SLC27A1: variants seen among roughly 807,000 people sequenced by gnomAD.
The protein encoded by SLC27A1 is long-chain fatty acid transport protein 1.
Under a neutral mutation model 62.2 loss-of-function variants are expected in SLC27A1, and 61 were observed. The observed-to-expected ratio is 0.98, with a 90% confidence interval of 0.80 to 1.21. The LOEUF is 1.21. Among genes scored for constraint, SLC27A1 ranks in the 50% most tolerant of loss-of-function variants. SLC27A1 has a pLI of 0.00. For synonymous variants in SLC27A1, 435 were observed against 408.6 expected, an observed-to-expected ratio of 1.06 and a Z score of -0.78; for missense variants, 903 against 932.1, an observed-to-expected ratio of 0.97 and a Z score of 0.41.
intron 10 of SLC27A1, 77 bp from the exon 11 acceptor site, chr19:17,501,196 C>T (rs972333146): frequency 3.2e-6 from 5 of 1,561,810 alleles, no homozygotes; most frequent in Middle Eastern, 4.6e-4. Flanking sequence ...CCAGGGGCTA[C>T]TGCTTGACAG....
At chr19:17,477,004 T>G (rs1464249736) in intron 1 of SLC27A1, among the ~76,000 whole-genome samples, 1 of 148,614 alleles carries the variant, frequency 6.7e-6, no homozygotes, top group Admixed American at 6.9e-5. Context: ...TTCTTATGGC[T>G]CAGCCTCCCA....
At chr19:17,504,254 G>C (rs998986539) in intron 11 of SLC27A1, among the ~76,000 whole-genome samples, 2 of 152,160 alleles carry the variant, frequency 1.3e-5, no homozygotes, top group Non-Finnish European at 2.9e-5. Context: ...GTGAGGAGTG[G>C]TTAGGGAGGC....
chr19:17,476,883 GTTTT>G (rs71162144), intron 1 of SLC27A1, among the ~76,000 whole-genome samples: 3 of 131,816 alleles, frequency 2.3e-5, no homozygotes, highest in Non-Finnish European at 3.2e-5. Context: ...ATGATCATCT[GTTTT>G]TTTTTTTTTT....
chr19:17,476,537 CAAAA>C (rs11332045), intron 1 of SLC27A1, among the ~76,000 whole-genome samples: 10 of 96,030 alleles, frequency 1.0e-4, no homozygotes, highest in Admixed American at 1.1e-4. Flanking sequence ...GACTCTGTCT[CAAAA>C]AAAAAAAAAA....
At chr19:17,478,354 C>T (rs2075144136) in intron 1 of SLC27A1, among the ~76,000 whole-genome samples, 1 of 150,248 alleles carries the variant, frequency 6.7e-6, no homozygotes, top group African/African-American at 2.5e-5. Context: ...GTGGTCCCAG[C>T]TACTCAGGAG....
chr19:17,475,406 C>T (rs1434177457), intron 1 of SLC27A1, among the ~76,000 whole-genome samples: 1 of 152,044 alleles, frequency 6.6e-6, no homozygotes. Flanking sequence ...GGGAGTGGGG[C>T]TCTCCTGTGG....
At chr19:17,482,853 G>T (rs547779701) in intron 1 of SLC27A1, among the ~76,000 whole-genome samples, 2 of 152,200 alleles carry the variant, frequency 1.3e-5, no homozygotes, top group Admixed American at 1.3e-4. Context: ...AATGAACATT[G>T]GTCCACCCTC....
Position 17,505,552 on chromosome 19 carries a change from C to G in SLC27A1, c.*940C>G, listed in dbSNP as rs1355226267. 1 of 153,124 alleles carries G rather than the reference C, an allele frequency of 6.5e-6. No individual in the cohort carries two copies. The highest frequency in any genetic ancestry group is 2.4e-5 in the African/African-American group (1 of 41,474). The allele number at this position is 153,124 out of a possible 1,614,324, so 9.5% of individuals were successfully genotyped here. On this transcript the variant is annotated 3_prime_UTR_variant, in exon 12 of 12. Transcript: ENST00000252595. ...CACATTTCCCCAGCCCCACCTTCCC[C>G]TCCTGATGCCCTGAAAGCTTCCGGA... is the stretch of plus-strand genomic sequence containing the variant.
rs771569955 is a variant in SLC27A1, at chr19:17,486,549, G to C, written c.168-14G>C. Reference sequence around the variant, plus strand: ...GGGCACCAGTGACGCTGTCCCCTCCGTCCTCCCTCCCAGCGGTCTCTCTGT... The same window carrying C: ...GGGCACCAGTGACGCTGTCCCCTCCCTCCTCCCTCCCAGCGGTCTCTCTGT... On this transcript the variant is annotated splice_polypyrimidine_tract_variant and intron_variant, in intron 1 of 11. Coordinates refer to ENST00000252595, the MANE Select transcript of SLC27A1 (RefSeq NM_198580.3). The surrounding 1 kb of genome is among the most constrained non-coding windows in gnomAD (Gnocchi z 6.6). The C allele has an allele frequency of 6.4e-6, 10 of 1,563,290 alleles. No homozygotes were observed. The highest frequency in any genetic ancestry group is 1.4e-5 in the African/African-American group (1 of 73,918).
At position 17,486,010 on chromosome 19, in the gene SLC27A1, G is replaced by A. The variant is rs1023818478; in HGVS notation, c.168-553G>A. Among the ~76,000 whole-genome samples, 14 of 152,142 alleles carry A rather than the reference G, an allele frequency of 9.2e-5. No individual in the cohort carries two copies. The highest frequency in any genetic ancestry group is 1.3e-4 in the Non-Finnish European group (9 of 68,022). On this transcript the variant is annotated intron_variant, in intron 1 of 11. Transcript: ENST00000252595. The surrounding 1 kb of genome is among the most constrained non-coding windows in gnomAD (Gnocchi z 6.6). ...AACTTGGAACCCTCCATCTGGGCTTGGCATTGGTCCTTACACCCCCCATCC... is the reference window on the plus strand; with the variant it reads ...AACTTGGAACCCTCCATCTGGGCTTAGCATTGGTCCTTACACCCCCCATCC...
chr19:17,504,434 T>C, intron 11 of SLC27A1, 21 bp from the exon 12 acceptor site: 1 of 1,613,902 alleles, frequency 6.2e-7, no homozygotes, highest in Non-Finnish European at 8.5e-7. Flanking sequence ...AGCCCTTATC[T>C]GCCCCCCATC....
Position 17,501,394 on chromosome 19 carries a change from C to T in SLC27A1, c.1758C>T (p.Arg586=), listed in dbSNP as rs1007670139. Residue 586 remains arginine, a synonymous_variant, in exon 11 of 12, where the codon CGC becomes CGT. Transcript: ENST00000252595. ...LAPYARPIFL[R]LLPQVDTTGT... ...CCTATGCCCGGCCCATCTTCCTGCG[C>T]CTCCTGCCCCAGGTGGACACCACAG... 1.7e-5 allele frequency: 27 copies of T among 1,613,704 alleles called. No individual in the cohort carries two copies. The highest frequency in any genetic ancestry group is 2.2e-5 in the Non-Finnish European group (26 of 1,179,890).
At chr19:17,471,015 G>A (rs2075071391) in intron 1 of SLC27A1, among the ~76,000 whole-genome samples, 2 of 150,590 alleles carry the variant, frequency 1.3e-5, no homozygotes, top group Admixed American at 1.3e-4. Flanking sequence ...GGGGCAATTT[G>A]GGGGTCTTTG....
chr19:17,472,196 C>T (rs1198421191), intron 1 of SLC27A1, among the ~76,000 whole-genome samples: 1 of 152,124 alleles, frequency 6.6e-6, no homozygotes, highest in Non-Finnish European at 1.5e-5. Flanking sequence ...AGATCAAAAC[C>T]ATCCTGGCTA....
intron 6 of SLC27A1, chr19:17,496,366 G>A (rs10409959): frequency 0.78 from 118,715 of 151,852 alleles, 47,649 homozygotes; most frequent in Non-Finnish European, 0.89. Context: ...TGGGGCACCT[G>A]GTGGATGACC....
Position 17,504,459 on chromosome 19 carries a change from C to T in SLC27A1, c.1788C>T (p.Thr596=). ...TGCCCCCCATCCCCACTATAGGCAC[C>T]TTCAAGATCCAGAAGACGAGGCTGC... ...RLLPQVDTTG[T]FKIQKTRLQR... Residue 596 remains threonine, a synonymous_variant, in exon 12 of 12, where the codon ACC becomes ACT. Coordinates refer to ENST00000252595, the MANE Select transcript of SLC27A1 (RefSeq NM_198580.3). 1 of 1,614,190 alleles carries T rather than the reference C, an allele frequency of 6.2e-7. No individual in the cohort carries two copies. Among genetic ancestry groups the T allele is most frequent in the South Asian group, 1.1e-5 (1 of 91,090 alleles).
At position 17,489,030 on chromosome 19, in the gene SLC27A1, G is replaced by A; in HGVS notation, c.909G>A (p.Gln303=). The change falls in exon 6 of 12, where the codon CAG becomes CAA. Residue 303 remains glutamine, a synonymous_variant. Coordinates refer to ENST00000252595, the MANE Select transcript of SLC27A1 (RefSeq NM_198580.3). ...CAGGAAACATCATCGGCGTGGGGCA[G>A]TGTCTCATCTATGGGCTGACAGTCG... ...HSAGNIIGVG[Q]CLIYGLTVVL... is the part of the protein sequence containing the mutation. 1 of 1,614,148 alleles carries A rather than the reference G, an allele frequency of 6.2e-7. No individual in the cohort carries two copies. The highest frequency in any genetic ancestry group is 8.5e-7 in the Non-Finnish European group (1 of 1,180,024).
intron 7 of SLC27A1, among the ~76,000 whole-genome samples, chr19:17,499,669 T>A (rs2075388091): frequency 6.8e-6 from 1 of 148,046 alleles, no homozygotes; most frequent in South Asian, 2.1e-4. Flanking sequence ...AAAAAAATTG[T>A]TTGGGCTCAG....
rs371367749 is a variant in SLC27A1, at chr19:17,504,900, CTTTT to C, written c.*295_*298del. Reference sequence around the variant, plus strand: ...CTCTTTTTCTTTTCTTTCTTTCTTTCTTTTTTTTTTAAGATAGAGTCTCACTCTG... The same window carrying C: ...CTCTTTTTCTTTTCTTTCTTTCTTTCTTTTTTAAGATAGAGTCTCACTCTG... On this transcript the variant is annotated 3_prime_UTR_variant, in exon 12 of 12. Coordinates refer to ENST00000252595, the MANE Select transcript of SLC27A1 (RefSeq NM_198580.3). 20 of 519,978 alleles carry C rather than the reference CTTTT, an allele frequency of 3.8e-5. No homozygotes were observed. Among genetic ancestry groups the C allele is most frequent in the South Asian group, 3.1e-4 (18 of 58,572 alleles). The allele number at this position is 519,978 out of a possible 1,614,324, so 32.2% of individuals were successfully genotyped here. A position where few individuals can be genotyped will look rare whatever the true frequency, so the allele number is the denominator to read the frequency against.
Sources: allele counts gnomAD v4.1 joint callset (sites outside exome capture counted in the v4.1 genomes callset), GRCh38; gene constraint gnomAD v4.1.1; non-coding constraint Gnocchi (gnomAD v3.1); transcripts MANE v1.5; gene names NCBI Gene and HGNC (gene_info 2026-07-23, HGNC 2026-07-21).